PDE4A: variants seen among roughly 807,000 people sequenced by gnomAD.
The protein encoded by PDE4A is 3',5'-cyclic-AMP phosphodiesterase 4A.
In PDE4A, 21 loss-of-function variants were observed where a neutral mutation model predicts 73.9. That is an observed-to-expected ratio of 0.28 (90% CI 0.20 to 0.41). The LOEUF (loss-of-function observed/expected upper bound fraction) is 0.41, where lower values mean the gene tolerates loss of function less well. PDE4A is among the 10% of genes least tolerant of loss of function. The probability of loss-of-function intolerance (pLI) is 1.00; values close to 1 mark genes in which losing one functional copy is unlikely to be tolerated. For missense variants in PDE4A, 958 were observed against 1,211.4 expected, an observed-to-expected ratio of 0.79 and a Z score of 3.10; for synonymous variants, 463 against 505.4, an observed-to-expected ratio of 0.92 and a Z score of 1.13.
chr19:10,443,712 CA>C (rs200741266), intron 1 of PDE4A, among the ~76,000 whole-genome samples: 2,110 of 151,686 alleles, frequency 0.014, 49 homozygotes, highest in African/African-American at 0.048. Context: ...GATTTCATCT[CA>C]AAAAAACACC....
chr19:10,446,299 C>T lies in PDE4A; in HGVS notation c.402C>T (p.His134=), dbSNP rs201856534. Residue 134 remains histidine, a synonymous_variant, in exon 2 of 15, where the codon CAC becomes CAT. Transcript: ENST00000380702. ...AGGCGAGCCCAGGACTCGTGCTGCA[C>T]GCCGGGGCGGCCACCAGCCAGCGCC... ...DSQASPGLVL[H]AGAATSQRRE... 20 of 1,611,418 alleles carry T rather than the reference C, an allele frequency of 1.2e-5. No individual in the cohort carries two copies. Among genetic ancestry groups the T allele is most frequent in the Non-Finnish European group, 1.6e-5 (19 of 1,178,836 alleles).
At chr19:10,451,387 T>C (rs987729905) in intron 6 of PDE4A, among the ~76,000 whole-genome samples, 36 of 152,046 alleles carry the variant, frequency 2.4e-4, no homozygotes, top group African/African-American at 8.2e-4. Context: ...CATGTGTCAA[T>C]AGGTGACCGT....
rs762616332 is a variant in PDE4A, at chr19:10,467,878, T to C, written c.*257T>C. ...GGGATTTTATTTTTTTGAATTTTAA[T>C]TGTAACATTTTTAGAAAAAGAACAA... On this transcript the variant is annotated 3_prime_UTR_variant, in exon 15 of 15. Transcript: ENST00000380702. 8.6e-6 allele frequency: 3 copies of C among 348,532 alleles called. No homozygotes were observed. The highest frequency in any genetic ancestry group is 1.5e-5 in the Non-Finnish European group (3 of 194,812). 21.6% of individuals were successfully genotyped at this position (348,532 alleles called of 1,614,324 possible). A position where few individuals can be genotyped will look rare whatever the true frequency, so the allele number is the denominator to read the frequency against.
intron 14 of PDE4A, among the ~76,000 whole-genome samples, chr19:10,465,143 C>T (rs1275779622): frequency 6.6e-6 from 1 of 152,084 alleles, no homozygotes; most frequent in Non-Finnish European, 1.5e-5. Context: ...GTGCTAGGAG[C>T]TGCCGTGGGT....
At chr19:10,434,152 T>C (rs180909954) in intron 1 of PDE4A, among the ~76,000 whole-genome samples, 16 of 142,174 alleles carry the variant, frequency 1.1e-4, no homozygotes, top group African/African-American at 1.4e-4. Flanking sequence ...TTTCTTTCTT[T>C]CTTCCTTCCT....
In PDE4A at chr19:10,467,300, A is replaced by G; in HGVS notation, c.2340A>G (p.Thr780=). 6.2e-7 allele frequency: 1 copy of G among 1,614,180 alleles called. No homozygotes were observed. The highest frequency in any genetic ancestry group is 2.2e-5 in the East Asian group (1 of 44,876). The part of the protein sequence containing the change: ...LEAELEAVYL[T]QQAQSTGSAP... The stretch of plus-strand genomic sequence containing the variant: ...CCGAGCTGGAGGCAGTGTATTTGAC[A>G]CAGCAGGCACAGTCCACAGGCAGTG... Residue 780 remains threonine, a synonymous_variant, in exon 15 of 15, where the codon ACA becomes ACG. Coordinates refer to ENST00000380702, the MANE Select transcript of PDE4A (RefSeq NM_001111307.2).
At chr19:10,449,665 G>A (rs1174936064) in intron 4 of PDE4A, among the ~76,000 whole-genome samples, 1 of 151,958 alleles carries the variant, frequency 6.6e-6, no homozygotes, top group Non-Finnish European at 1.5e-5. Flanking sequence ...CGGCCCAGAG[G>A]TTTTTATAAA....
intron 1 of PDE4A, among the ~76,000 whole-genome samples, chr19:10,445,823 G>T (rs1294946692): frequency 6.7e-6 from 1 of 148,976 alleles, no homozygotes; most frequent in African/African-American, 2.5e-5. Flanking sequence ...AATTCCCTTA[G>T]GCTCCTCATC....
chr19:10,420,906 T>C lies in PDE4A; in HGVS notation c.142T>C (p.Tyr48His), dbSNP rs1167993234. The change falls in exon 1 of 15, where the codon TAC becomes CAC. Residue 48 changes from tyrosine (Y) to histidine (H), a missense_variant. Physicochemically the swap from Tyr to His is moderately conservative, Grantham distance 83. This residue lies in a region of PDE4A where 145 missense variants were observed against 137.8 expected (regional missense o/e 1.05). Coordinates refer to ENST00000380702, the MANE Select transcript of PDE4A (RefSeq NM_001111307.2). This position sits in a 1 kb window ranked among gnomAD's most constrained non-coding sequence, Gnocchi z 6.0. Reference sequence around the variant, plus strand: ...CCCCATCCGTATCCAGCAGCGCGGCTACTCCGACAGCGCGGAGCGCGCCGA... The same window carrying C: ...CCCCATCCGTATCCAGCAGCGCGGCCACTCCGACAGCGCGGAGCGCGCCGA... Reference protein sequence around the residue: ...RTPIRIQQRGYSDSAERAERE... With the variant: ...RTPIRIQQRGHSDSAERAERE... 1.3e-6 allele frequency: 2 copies of C among 1,586,510 alleles called. No homozygotes were observed. Among genetic ancestry groups the C allele is most frequent in the African/African-American group, 1.4e-5 (1 of 73,616 alleles).
intron 1 of PDE4A, among the ~76,000 whole-genome samples, chr19:10,439,355 T>A (rs2042907037): frequency 6.6e-6 from 1 of 152,082 alleles, no homozygotes; most frequent in African/African-American, 2.4e-5. Flanking sequence ...CTGATTTTTG[T>A]ATTTTTAGTA....
At position 10,453,738 on chromosome 19, in the gene PDE4A, G is replaced by A. The variant is rs2043130166; in HGVS notation, c.784-1091G>A. Among the ~76,000 whole-genome samples, 1 of 152,096 alleles carries A rather than the reference G, an allele frequency of 6.6e-6. No homozygotes were observed. The highest frequency in any genetic ancestry group is 6.6e-5 in the Admixed American group (1 of 15,252). On this transcript the variant is annotated intron_variant, in intron 6 of 14. Coordinates refer to ENST00000380702, the MANE Select transcript of PDE4A (RefSeq NM_001111307.2). This position sits in a 1 kb window ranked among gnomAD's most constrained non-coding sequence, Gnocchi z 4.6. ...CATGTGACCCCAAATGTCAGTGACC[G>A]CCTTATTTTGCATGCCCTTTGATCT... is the stretch of plus-strand genomic sequence containing the variant.
chr19:10,431,018 T>G (rs769066460), intron 1 of PDE4A: 16 of 1,578,664 alleles, frequency 1.0e-5, no homozygotes, highest in Non-Finnish European at 1.4e-5. Context: ...CGTCCCCAAC[T>G]TTCCGCAGAC....
At chr19:10,451,381 T>G (rs1355496760) in intron 6 of PDE4A, among the ~76,000 whole-genome samples, 1 of 152,038 alleles carries the variant, frequency 6.6e-6, no homozygotes, top group Non-Finnish European at 1.5e-5. Context: ...GTTGTACATG[T>G]GTCAATAGGT....
intron 7 of PDE4A, 133 bp downstream of exon 7, chr19:10,455,055 C>T: frequency 1.2e-6 from 1 of 820,640 alleles, no homozygotes; most frequent in Admixed American, 2.2e-5. Context: ...GTCACAGTCA[C>T]CCTATCCAGG....
chr19:10,432,151 C>G (rs2042797866), intron 1 of PDE4A, among the ~76,000 whole-genome samples: 2 of 143,910 alleles, frequency 1.4e-5, no homozygotes, highest in South Asian at 4.4e-4. Flanking sequence ...CCCCGGGGCA[C>G]CCCAGAGGCC....
rs187884589 is a variant in PDE4A, at chr19:10,446,625, C to G, written c.512+216C>G. 2.3e-4 allele frequency among the ~76,000 whole-genome samples: 34 copies of G among 150,728 alleles called. No individual in the cohort carries two copies. The South Asian group carries it at 5.9e-3, about 26-fold the overall frequency. Reference sequence around the variant, plus strand: ...TTTTTTCTTTTTTGAGACGGAGTCTCGCTCTGTCGTCCAGGCTGGAGTGTA... The same window carrying G: ...TTTTTTCTTTTTTGAGACGGAGTCTGGCTCTGTCGTCCAGGCTGGAGTGTA... On this transcript the variant is annotated intron_variant, in intron 2 of 14. Coordinates refer to ENST00000380702, the MANE Select transcript of PDE4A (RefSeq NM_001111307.2).
intron 2 of PDE4A, among the ~76,000 whole-genome samples, chr19:10,446,901 C>CTTTTTTTCTCTTTTTTTTTTTTCT (rs1939804348): frequency 6.9e-6 from 1 of 145,432 alleles, no homozygotes; most frequent in African/African-American, 2.5e-5. Flanking sequence ...GCCTCAGTTC[C>CTTTTTTTCTCTTTTTTTTTTTTCT]TTTTTTTTTT....
chr19:10,454,482 C>T (rs1187877519), intron 6 of PDE4A, among the ~76,000 whole-genome samples: 2 of 152,148 alleles, frequency 1.3e-5, no homozygotes, highest in Admixed American at 6.5e-5. Flanking sequence ...GCCATGGCGA[C>T]GGGATTCTCC....
chr19:10,417,619 C>A (rs765172423), upstream of PDE4A: 1 of 1,542,530 alleles, frequency 6.5e-7, no homozygotes, highest in Non-Finnish European at 8.7e-7. Flanking sequence ...TCAGAGCTTC[C>A]CAGCCAGGCC....
Sources: allele counts gnomAD v4.1 joint callset (sites outside exome capture counted in the v4.1 genomes callset), GRCh38; gene constraint gnomAD v4.1.1; regional missense constraint gnomAD v4.1.1; non-coding constraint Gnocchi (gnomAD v3.1); transcripts MANE v1.5; gene names NCBI Gene and HGNC (gene_info 2026-07-23, HGNC 2026-07-21).